Variants in AKAP6 observed in about 807,000 individuals in gnomAD.
The protein encoded by AKAP6 is A-kinase anchor protein 6.
In AKAP6, 58 loss-of-function variants were observed where a neutral mutation model predicts 188.5. That is an observed-to-expected ratio of 0.31 (90% CI 0.25 to 0.38). The LOEUF is 0.38. Among genes scored for constraint, AKAP6 ranks in the 10% least tolerant of loss-of-function variants. AKAP6 has a pLI of 1.00. For missense variants in AKAP6, 2,710 were observed against 2,740.0 expected (o/e 0.99, Z 0.24); for synonymous variants, 989 against 998.6 (o/e 0.99, Z 0.18).
chr14:32,735,728 C>T lies in AKAP6; in HGVS notation c.3218C>T (p.Ser1073Phe), dbSNP rs768597575. ...GGGTCGAGTCCACGTGACCTGCTCTCTCCTGAAAGTGGAAGCCTGGTAAGG... is the reference window on the plus strand; with the variant it reads ...GGGTCGAGTCCACGTGACCTGCTCTTTCCTGAAAGTGGAAGCCTGGTAAGG... The part of the protein sequence containing the change: ...HSGSSPRDLL[S>F]PESGSLVRQL... The change falls in exon 11 of 14, where the codon TCT (serine) becomes TTT (phenylalanine). Residue 1073 changes from serine (S) to phenylalanine (F), a missense_variant. By Grantham distance (155) the Ser-to-Phe change is radical (BLOSUM62 -2). Coordinates refer to ENST00000280979, the MANE Select transcript of AKAP6 (RefSeq NM_004274.5). The T allele has an allele frequency of 2.5e-6, 4 of 1,613,466 alleles. No individual in the cohort carries two copies. The highest frequency in any genetic ancestry group is 2.2e-5 in the South Asian group (2 of 91,062).
At chr14:32,665,940 C>A (rs938861239) in intron 7 of AKAP6, among the ~76,000 whole-genome samples, 1 of 152,048 alleles carries the variant, frequency 6.6e-6, no homozygotes, top group African/African-American at 2.4e-5. Flanking sequence ...TAGTGGGGAG[C>A]CTTTGTGTGG....
intron 9 of AKAP6, among the ~76,000 whole-genome samples, chr14:32,709,256 G>C (rs993616186): frequency 5.3e-5 from 8 of 151,890 alleles, no homozygotes; most frequent in Non-Finnish European, 8.8e-5. Flanking sequence ...TGGGAGTTTT[G>C]AGCTCACCAA....
chr14:32,650,292 C>T (rs895536021), intron 7 of AKAP6, among the ~76,000 whole-genome samples: 1 of 152,160 alleles, frequency 6.6e-6, no homozygotes, highest in African/African-American at 2.4e-5. Context: ...GTCTTTCAGA[C>T]ATACCAGTGC....
At chr14:32,341,056 G>C (rs989026167) in intron 1 of AKAP6, among the ~76,000 whole-genome samples, 3 of 152,148 alleles carry the variant, frequency 2.0e-5, no homozygotes, top group African/African-American at 7.2e-5. Context: ...TGTTTTATTA[G>C]CTTATATTTC....
chr14:32,361,393 A>G (rs957720744), intron 1 of AKAP6, among the ~76,000 whole-genome samples: 7 of 152,168 alleles, frequency 4.6e-5, no homozygotes, highest in Non-Finnish European at 1.0e-4. Context: ...GAGCACATGC[A>G]AAGGCATGGA....
chr14:32,776,370 A>G (rs550417216), intron 12 of AKAP6, among the ~76,000 whole-genome samples: 136 of 152,214 alleles, frequency 8.9e-4, no homozygotes, highest in African/African-American at 3.1e-3. Context: ...AACCCCTTTC[A>G]CTTGGTTGTC....
intron 5 of AKAP6, among the ~76,000 whole-genome samples, chr14:32,583,634 C>T (rs924862973): frequency 2.0e-5 from 3 of 152,190 alleles, no homozygotes; most frequent in South Asian, 2.1e-4. Flanking sequence ...CCACCCAGTT[C>T]GAGCTTCCTG....
At chr14:32,771,706 T>C (rs2032903044) in intron 11 of AKAP6, among the ~76,000 whole-genome samples, 1 of 152,334 alleles carries the variant, frequency 6.6e-6, no homozygotes, top group Non-Finnish European at 1.5e-5. Context: ...TTCATTTGGC[T>C]AAGAACTTTG....
intron 1 of AKAP6, among the ~76,000 whole-genome samples, chr14:32,351,770 T>C (rs1233065832): frequency 6.6e-6 from 1 of 152,174 alleles, no homozygotes; most frequent in Non-Finnish European, 1.5e-5. Flanking sequence ...TGTATGTATA[T>C]GTTTATATAT....
At chr14:32,442,152 A>G (rs1436037697) in intron 2 of AKAP6, among the ~76,000 whole-genome samples, 6 of 152,204 alleles carry the variant, frequency 3.9e-5, no homozygotes, top group Non-Finnish European at 7.3e-5. Context: ...ATAGTATCTT[A>G]TTTAATCCTC....
rs538617628 is a variant in AKAP6, at chr14:32,397,150, C to A, written c.-34-36310C>A. 3.5e-4 allele frequency among the ~76,000 whole-genome samples: 53 copies of A among 152,092 alleles called. 1 individual carries two copies. The highest frequency in any genetic ancestry group is 2.0e-3 in the Admixed American group (30 of 15,280). ...GAATTTGCATGTTTAAAAAGTTCCA[C>A]AATGGTGCTGTTGCTACTGGTCCAA... On this transcript the variant is annotated intron_variant, in intron 1 of 13. Coordinates refer to ENST00000280979, the MANE Select transcript of AKAP6 (RefSeq NM_004274.5).
intron 1 of AKAP6, among the ~76,000 whole-genome samples, chr14:32,368,465 G>A (rs1347816699): frequency 1.3e-5 from 2 of 152,054 alleles, no homozygotes; most frequent in Non-Finnish European, 2.9e-5. Flanking sequence ...GAGTGATGTG[G>A]GCATACACAG....
intron 11 of AKAP6, among the ~76,000 whole-genome samples, chr14:32,754,515 A>G (rs1037899719): frequency 2.6e-5 from 4 of 152,144 alleles, no homozygotes; most frequent in African/African-American, 9.7e-5. Context: ...TTTACCTTTT[A>G]TACTAGAGTT....
At chr14:32,788,399 G>A (rs900143404) in intron 12 of AKAP6, among the ~76,000 whole-genome samples, 1 of 152,282 alleles carries the variant, frequency 6.6e-6, no homozygotes, top group East Asian at 1.9e-4. Flanking sequence ...GTCTGTGGCC[G>A]CGGAACTCAC....
chr14:32,510,431 T>TAC (rs1881162777), intron 2 of AKAP6, among the ~76,000 whole-genome samples: 1 of 95,358 alleles, frequency 1.0e-5, no homozygotes, highest in African/African-American at 5.0e-5. Context: ...TATACATATA[T>TAC]ATATGTGTAT....
chr14:32,465,343 A>G (rs1225689578), intron 2 of AKAP6, among the ~76,000 whole-genome samples: 1 of 149,262 alleles, frequency 6.7e-6, no homozygotes, highest in Non-Finnish European at 1.5e-5. Flanking sequence ...AAACTATACT[A>G]CAAGGGTACA....
chr14:32,762,192 T>C (rs1393163171), intron 11 of AKAP6, among the ~76,000 whole-genome samples: 3 of 152,198 alleles, frequency 2.0e-5, no homozygotes, highest in Middle Eastern at 3.4e-3. Context: ...TTAACAATAA[T>C]GGACATGTTT....
At chr14:32,550,674 A>G (rs1321698515) in intron 4 of AKAP6, among the ~76,000 whole-genome samples, 1 of 152,230 alleles carries the variant, frequency 6.6e-6, no homozygotes, top group African/African-American at 2.4e-5. Flanking sequence ...CAGAGAACCC[A>G]TTCTGCCTGG....
At chr14:32,674,784 C>T (rs929319521) in intron 7 of AKAP6, among the ~76,000 whole-genome samples, 4 of 151,968 alleles carry the variant, frequency 2.6e-5, no homozygotes, top group Admixed American at 6.6e-5. Context: ...GATTGGAAGG[C>T]GTTACTACTT....
Sources: gnomAD v4.1 joint callset for allele counts (sites outside exome capture counted in the v4.1 genomes callset) on GRCh38, gnomAD v4.1.1 for gene constraint, MANE v1.5 for transcripts, NCBI Gene and HGNC (gene_info 2026-07-23, HGNC 2026-07-21) for gene names.